KLF12: variants seen among roughly 807,000 people sequenced by gnomAD.
The protein encoded by KLF12 is KLF transcription factor 12.
A neutral mutation model predicts 37.8 loss-of-function variants in KLF12; 9 were observed. The ratio of observed to expected loss-of-function variants is 0.24; its 90% CI spans 0.14 to 0.42. The LOEUF is 0.42. Among genes scored for constraint, KLF12 ranks in the 10% least tolerant of loss-of-function variants. The pLI is 1.00. For synonymous variants in KLF12, 208 were observed against 202.1 expected (o/e 1.03, Z -0.25); for missense variants, 411 against 516.0 (o/e 0.80, Z 1.97).
chr13:74,009,920 T>C (rs916802318), intron 1 of KLF12, among the ~76,000 whole-genome samples: 2 of 152,162 alleles, frequency 1.3e-5, no homozygotes, highest in African/African-American at 4.8e-5. Context: ...ATAACGAAGA[T>C]CTTGTTTGCC....
At chr13:73,915,424 C>T (rs556914726) in intron 3 of KLF12, among the ~76,000 whole-genome samples, 12 of 152,154 alleles carry the variant, frequency 7.9e-5, no homozygotes, top group Admixed American at 7.9e-4. Flanking sequence ...TCCAAGATTG[C>T]CTGCCTGCCT....
the KLF12 span, among the ~76,000 whole-genome samples, chr13:74,159,377 C>G: frequency 0.28 from 43,026 of 152,124 alleles, 7,257 homozygotes; most frequent in Non-Finnish European, 0.38. Flanking sequence ...AGAATCATAT[C>G]TTCCCAAATT....
chr13:74,232,449 G>T, the KLF12 span, among the ~76,000 whole-genome samples: 3 of 152,032 alleles, frequency 2.0e-5, no homozygotes, highest in African/African-American at 7.2e-5. Context: ...ATATATGTTT[G>T]TATTATTTCT....
the KLF12 span, among the ~76,000 whole-genome samples, chr13:74,179,650 A>G: frequency 1.3e-5 from 2 of 152,186 alleles, no homozygotes; most frequent in East Asian, 3.8e-4. Context: ...CCAGCTTGTT[A>G]AATTCTAGTT....
rs1200377387 is a variant in KLF12, at chr13:73,695,521, G to A, written c.1178C>T (p.Ala393Val). The A allele has an allele frequency of 1.2e-6, 2 of 1,613,894 alleles. No individual in the cohort carries two copies. Among genetic ancestry groups the A allele is most frequent in the Non-Finnish European group, 1.7e-6 (2 of 1,179,970 alleles). ...CAACATATGCCTCCGGCGGTGCAGG[G>A]CCAAATGATCTGACCGGGAAAAGCT... The change falls in exon 8 of 8, where the codon GCC (alanine) becomes GTC (valine). Residue 393 changes from alanine to valine, a missense_variant. Around this residue, in one of 2 missense-constraint regions of KLF12, gnomAD observed 60 missense variants for 118.2 expected, o/e 0.51. Transcript: ENST00000377669.
chr13:74,304,122 G>C, the KLF12 span, among the ~76,000 whole-genome samples: 19 of 152,104 alleles, frequency 1.2e-4, no homozygotes, highest in Non-Finnish European at 2.4e-4. Flanking sequence ...CGGAACCCAA[G>C]CCTAGTGAGT....
intron 2 of KLF12, among the ~76,000 whole-genome samples, chr13:73,944,387 T>C (rs549525831): frequency 6.6e-6 from 1 of 152,322 alleles, no homozygotes; most frequent in East Asian, 1.9e-4. Context: ...ACTTTCACAA[T>C]AGTGGAAGGA....
At chr13:73,702,897 T>C (rs1874663242) in intron 7 of KLF12, among the ~76,000 whole-genome samples, 1 of 152,162 alleles carries the variant, frequency 6.6e-6, no homozygotes, top group Non-Finnish European at 1.5e-5. Flanking sequence ...ATGAGGAAAC[T>C]GAAACCTAGA....
At chr13:74,150,820 CTAG>C in the KLF12 span, among the ~76,000 whole-genome samples, 1 of 152,100 alleles carries the variant, frequency 6.6e-6, no homozygotes, top group Admixed American at 6.5e-5. Flanking sequence ...TGTGGATACA[CTAG>C]ATAAAGGAAA....
intron 1 of KLF12, among the ~76,000 whole-genome samples, chr13:74,009,995 G>A (rs1336283715): frequency 6.6e-6 from 1 of 152,082 alleles, no homozygotes; most frequent in Non-Finnish European, 1.5e-5. Flanking sequence ...TATCACCCAG[G>A]CTGGAGTACA....
chr13:73,793,879 C>G (rs1302487566), intron 5 of KLF12, among the ~76,000 whole-genome samples: 3 of 152,216 alleles, frequency 2.0e-5, no homozygotes, highest in Non-Finnish European at 4.4e-5. Flanking sequence ...ACACAAACCA[C>G]ATGACCAAAT....
At chr13:74,046,702 A>G (rs2138572023) in intron 1 of KLF12, among the ~76,000 whole-genome samples, 1 of 152,302 alleles carries the variant, frequency 6.6e-6, no homozygotes, top group South Asian at 2.1e-4. Flanking sequence ...GTTTGCATAA[A>G]TACACTGCAA....
chr13:73,800,075 A>AT (rs1882205310), intron 5 of KLF12: 1 of 152,000 alleles, frequency 6.6e-6, no homozygotes, highest in African/African-American at 2.4e-5. Flanking sequence ...ATTTTTTGTC[A>AT]TTTTCTACAA....
chr13:73,715,441 T>C lies in KLF12; in HGVS notation c.954A>G (p.Arg318=), dbSNP rs1457615209. 1.2e-6 allele frequency: 2 copies of C among 1,614,056 alleles called. No homozygotes were observed. The highest frequency in any genetic ancestry group is 8.5e-7 in the Non-Finnish European group (1 of 1,179,956). ...CTTTGTTGCATCCCTCAAAATCACA[T>C]CTGTGGATACGCCGTTTTCTGGAGT... The change falls in exon 7 of 8, where the codon AGA becomes AGG. Residue 318 remains arginine (R), a synonymous_variant. Transcript: ENST00000377669.
At chr13:73,773,353 G>A (rs1200223262) in intron 5 of KLF12, among the ~76,000 whole-genome samples, 2 of 152,104 alleles carry the variant, frequency 1.3e-5, no homozygotes, top group Non-Finnish European at 1.5e-5. Flanking sequence ...CTCATTTCAG[G>A]CTCATATGAT....
intron 1 of KLF12, among the ~76,000 whole-genome samples, chr13:74,051,053 G>A (rs554943356): frequency 7.9e-5 from 12 of 152,206 alleles, no homozygotes; most frequent in South Asian, 2.1e-4. Flanking sequence ...GTGAGACTGC[G>A]GAGAAAAGGG....
chr13:73,715,849 A>T (rs1261557434), intron 6 of KLF12, among the ~76,000 whole-genome samples: 1 of 152,228 alleles, frequency 6.6e-6, no homozygotes, highest in Non-Finnish European at 1.5e-5. Context: ...GTAAATTACC[A>T]TCTCACAGTT....
the KLF12 span, among the ~76,000 whole-genome samples, chr13:74,255,335 G>T: frequency 6.6e-6 from 1 of 152,192 alleles, no homozygotes; most frequent in East Asian, 1.9e-4. Context: ...GCATGTGCCA[G>T]AGTGCATTTT....
chr13:73,824,120 C>T (rs140675273), intron 4 of KLF12, among the ~76,000 whole-genome samples: 3 of 152,006 alleles, frequency 2.0e-5, no homozygotes, highest in East Asian at 1.9e-4. Context: ...TACATCTTCA[C>T]ATCACATTAA....
Sources: gnomAD v4.1 joint callset for allele counts (sites outside exome capture counted in the v4.1 genomes callset) on GRCh38, gnomAD v4.1.1 for gene constraint, gnomAD v4.1.1 regional missense constraint, MANE v1.5 for transcripts, NCBI Gene and HGNC (gene_info 2026-07-23, HGNC 2026-07-21) for gene names.